The following KIAA0513 variants were observed in gnomAD, a reference collection of about 807,000 sequenced individuals.
KIAA0513 encodes the protein uncharacterized protein KIAA0513.
A neutral mutation model predicts 56.5 loss-of-function variants in KIAA0513; 39 were observed. The observed-to-expected ratio is 0.69, with a 90% CI of 0.53 to 0.90. The LOEUF is 0.90. KIAA0513 is among the 40% of genes least tolerant of loss of function. KIAA0513 has a pLI of 0.00. For missense variants in KIAA0513, 591 were observed against 535.2 expected (o/e 1.10, Z -1.03); for synonymous variants, 268 against 215.6 (o/e 1.24, Z -2.13).
At position 85,081,277 on chromosome 16, in the gene KIAA0513, C is replaced by G. The variant is rs747518357; in HGVS notation, c.903-38C>G. The G allele has an allele frequency of 2.5e-6, 4 of 1,603,072 alleles. No homozygotes were observed. In the South Asian group the frequency reaches 4.4e-5, roughly 18 times the overall value. On this transcript the variant is annotated intron_variant, in intron 8 of 12. Coordinates refer to ENST00000683363, the MANE Select transcript of KIAA0513 (RefSeq NM_001388359.1). This position sits in a 1 kb window ranked among gnomAD's most constrained non-coding sequence, Gnocchi z 4.4. ...CCCACAACCCGTGTCCTCCCCGCCT[C>G]CCCTTGGAGAGAGTGTGACTGGGGC...
At chr16:85,035,571 G>T (rs1209282653) in intron 1 of KIAA0513, among the ~76,000 whole-genome samples, 1 of 152,180 alleles carries the variant, frequency 6.6e-6, no homozygotes, top group Non-Finnish European at 1.5e-5. Context: ...GCTCACTGCA[G>T]CCTTGATCTC....
At chr16:85,068,523 G>A (rs1225402362) in intron 2 of KIAA0513, among the ~76,000 whole-genome samples, 1 of 151,726 alleles carries the variant, frequency 6.6e-6, no homozygotes, top group African/African-American at 2.4e-5. Context: ...TAGTAGAGAC[G>A]GGGTTTCACC....
At chr16:85,075,635 C>G (rs527412616) in intron 4 of KIAA0513, among the ~76,000 whole-genome samples, 18 of 152,194 alleles carry the variant, frequency 1.2e-4, no homozygotes, top group Non-Finnish European at 2.5e-4. Flanking sequence ...GCAGGCAGAC[C>G]ACAAACTCCT....
intron 1 of KIAA0513, among the ~76,000 whole-genome samples, chr16:85,056,627 C>T (rs185843210): frequency 1.1e-4 from 17 of 152,288 alleles, no homozygotes; most frequent in Admixed American, 2.0e-4. Context: ...TCCTCCGGGC[C>T]GCGCTCGCCG....
intron 1 of KIAA0513, among the ~76,000 whole-genome samples, chr16:85,045,515 C>G (rs1387694554): frequency 6.6e-6 from 1 of 152,116 alleles, no homozygotes. Flanking sequence ...ACCATCATGC[C>G]CAGCTAATTT....
chr16:85,071,839 A>G lies in KIAA0513; in HGVS notation c.386A>G (p.Asn129Ser). ...TTTGGAGAGTACTGCAGCAGTGAAA[A>G]TGGAAAAGGCCGGGAGTGGTTTGCT... ...AKFGEYCSSE[N>S]GKGREWFARY... Residue 129 changes from asparagine to serine, a missense_variant, in exon 3 of 13, where the codon AAT becomes AGT. Asn to Ser is a conservative substitution (Grantham distance 46). Transcript: ENST00000683363. 6.2e-7 allele frequency: 1 copy of G among 1,612,676 alleles called. No homozygotes were observed. The highest frequency in any genetic ancestry group is 8.5e-7 in the Non-Finnish European group (1 of 1,179,714).
rs754994895 is a variant in KIAA0513, at chr16:85,072,947, C to T, written c.452C>T (p.Ser151Leu). ...SAQRCNSKCV[S>L]EATFYRLVQS... is the part of the protein sequence containing the mutation. The stretch of plus-strand genomic sequence containing the variant: ...CAGCGCTGCAACTCCAAGTGTGTCT[C>T]AGAGGCAACCTTCTACCGCCTGGTG... The change falls in exon 4 of 13, where the codon TCA becomes TTA. Residue 151 changes from serine (S) to leucine (L), a missense_variant. Ser to Leu is a moderately radical substitution (Grantham distance 145). Coordinates refer to ENST00000683363, the MANE Select transcript of KIAA0513 (RefSeq NM_001388359.1). 5.0e-6 allele frequency: 8 copies of T among 1,614,102 alleles called. No individual in the cohort carries two copies.
intron 10 of KIAA0513, among the ~76,000 whole-genome samples, chr16:85,083,402 C>T (rs2073771592): frequency 6.6e-6 from 1 of 152,162 alleles, no homozygotes; most frequent in African/African-American, 2.4e-5. Flanking sequence ...TTGTCATGAG[C>T]AATCGTGTTT....
At chr16:85,040,558 C>T (rs2143864160) in intron 1 of KIAA0513, among the ~76,000 whole-genome samples, 1 of 152,234 alleles carries the variant, frequency 6.6e-6, no homozygotes, top group South Asian at 2.1e-4. Context: ...TGTCCATCAT[C>T]GCAGGTACAC....
chr16:85,080,091 C>G (rs973356675), intron 8 of KIAA0513, among the ~76,000 whole-genome samples: 1 of 152,042 alleles, frequency 6.6e-6, no homozygotes, highest in Non-Finnish European at 1.5e-5. Context: ...GGAGCGCTGC[C>G]GGGACCCAGA....
chr16:85,049,446 C>T (rs373370967), intron 1 of KIAA0513, among the ~76,000 whole-genome samples: 7 of 152,312 alleles, frequency 4.6e-5, no homozygotes, highest in East Asian at 3.9e-4. Flanking sequence ...AATCTCCTGT[C>T]GAATTGTAAT....
At chr16:85,065,508 G>T (rs576174356) in intron 1 of KIAA0513, among the ~76,000 whole-genome samples, 1 of 152,348 alleles carries the variant, frequency 6.6e-6, no homozygotes, top group South Asian at 2.1e-4. Context: ...CCTGGAACCA[G>T]CCTTTTCTCT....
chr16:85,038,209 C>G (rs990416465), intron 1 of KIAA0513, among the ~76,000 whole-genome samples: 1 of 152,190 alleles, frequency 6.6e-6, no homozygotes, highest in African/African-American at 2.4e-5. Flanking sequence ...CCTTGAAGAG[C>G]ATTGACTTTG....
chr16:85,030,610 G>A (rs2072950870), intron 1 of KIAA0513, among the ~76,000 whole-genome samples: 1 of 152,050 alleles, frequency 6.6e-6, no homozygotes, highest in African/African-American at 2.4e-5. Flanking sequence ...AGCTGGGCAT[G>A]GTGGCGGGTA....
At chr16:85,033,431 G>A (rs879795247) in intron 1 of KIAA0513, among the ~76,000 whole-genome samples, 7 of 152,206 alleles carry the variant, frequency 4.6e-5, no homozygotes, top group Admixed American at 2.0e-4. Flanking sequence ...TTGTAGTGGA[G>A]GAACAGCTCA....
chr16:85,067,261 C>T lies in KIAA0513; in HGVS notation c.190C>T (p.Pro64Ser). 1 of 1,614,058 alleles carries T rather than the reference C, an allele frequency of 6.2e-7. No homozygotes were observed. Among genetic ancestry groups the T allele is most frequent in the Non-Finnish European group, 8.5e-7 (1 of 1,180,012 alleles). ...TGACATGGGCGAGTCGCCCTCGCAC[C>T]CGTCCTGGGACCAAGACCGCCGTTC... ...ENDMGESPSH[P>S]SWDQDRRSSS... Residue 64 changes from proline to serine, a missense_variant, in exon 2 of 13, where the codon CCG becomes TCG. Pro to Ser is a moderately conservative substitution (Grantham distance 74). Coordinates refer to ENST00000683363, the MANE Select transcript of KIAA0513 (RefSeq NM_001388359.1).
intron 1 of KIAA0513, among the ~76,000 whole-genome samples, chr16:85,059,931 A>G (rs190980380): frequency 5.0e-4 from 76 of 152,210 alleles, no homozygotes; most frequent in African/African-American, 1.8e-3. Context: ...TACAGATTCA[A>G]ATGATTTCCC....
In KIAA0513 at chr16:85,088,492, TCTC is replaced by T; in HGVS notation, c.*171_*173del. 3.2e-6 allele frequency: 2 copies of T among 616,516 alleles called. No individual in the cohort carries two copies. The highest frequency in any genetic ancestry group is 5.8e-6 in the Non-Finnish European group (2 of 344,520). 38.2% of individuals were successfully genotyped at this position (616,516 alleles called of 1,614,324 possible). A position where few individuals can be genotyped will look rare whatever the true frequency, so the allele number is the denominator to read the frequency against. On this transcript the variant is annotated 3_prime_UTR_variant, in exon 13 of 13. Transcript: ENST00000683363. ...AGAAGAATCCGCTGTTCCTCCCTCATCTCCTCTGCCTGTGTCTGCGACCCCCAT... is the reference window on the plus strand; with the variant it reads ...AGAAGAATCCGCTGTTCCTCCCTCATCTCTGCCTGTGTCTGCGACCCCCAT...
chr16:85,060,947 A>T (rs1195598783), intron 1 of KIAA0513, among the ~76,000 whole-genome samples: 1 of 152,000 alleles, frequency 6.6e-6, no homozygotes, highest in Non-Finnish European at 1.5e-5. Flanking sequence ...TGAGGTCAGG[A>T]GTTCGAGACC....
Sources: allele counts gnomAD v4.1 joint callset (sites outside exome capture counted in the v4.1 genomes callset), GRCh38; gene constraint gnomAD v4.1.1; non-coding constraint Gnocchi (gnomAD v3.1); transcripts MANE v1.5; gene names NCBI Gene and HGNC (gene_info 2026-07-23, HGNC 2026-07-21).